Variants in ACMSD observed in about 807,000 individuals in gnomAD.
The protein encoded by ACMSD is aminocarboxymuconate semialdehyde decarboxylase, also known as 2-amino-3-carboxymuconate-6-semialdehyde decarboxylase.
A neutral mutation model predicts 45.9 loss-of-function variants in ACMSD; 37 were observed. That is an observed-to-expected ratio of 0.81 (90% CI 0.62 to 1.06). The LOEUF is 1.06. Ranked by LOEUF, ACMSD falls within the 50% of genes least tolerant of loss-of-function variation. The pLI is 0.00. For missense variants in ACMSD, 434 were observed against 420.9 expected (o/e 1.03, Z -0.27); for synonymous variants, 138 against 148.8 (o/e 0.93, Z 0.53).
chr2:134,844,767 A>G (rs1050542950), intron 1 of ACMSD, among the ~76,000 whole-genome samples: 1 of 152,176 alleles, frequency 6.6e-6, no homozygotes, highest in Non-Finnish European at 1.5e-5. Context: ...CACCAACAGC[A>G]TCTGCTACAT....
intron 8 of ACMSD, among the ~76,000 whole-genome samples, chr2:134,889,960 A>G (rs988157528): frequency 4.6e-5 from 7 of 152,172 alleles, no homozygotes; most frequent in African/African-American, 1.4e-4. Context: ...TTTAATTTAC[A>G]TAAGTTAATG....
At position 134,901,825 on chromosome 2, in the gene ACMSD, G is replaced by A. The variant is rs1690517923; in HGVS notation, c.976G>A (p.Ala326Thr). 6.3e-7 allele frequency: 1 copy of A among 1,598,458 alleles called. No homozygotes were observed. The highest frequency in any genetic ancestry group is 8.5e-7 in the Non-Finnish European group (1 of 1,170,016). ...TAAACTCAAAGCCGGCAATGCCCTG[G>A]CATTTTTGGGTCTTGAGAGAAAACA... is the stretch of plus-strand genomic sequence containing the variant. ...KNKLKAGNAL[A>T]FLGLERKQFE The change falls in exon 10 of 10, where the codon GCA becomes ACA. Residue 326 changes from alanine (A) to threonine (T), a missense_variant. By Grantham distance (58) the Ala-to-Thr change is moderately conservative. Transcript: ENST00000356140.
chr2:134,863,344 A>T, intron 4 of ACMSD, 51 bp from the exon 5 acceptor site: 1 of 1,548,654 alleles, frequency 6.5e-7, no homozygotes, highest in Admixed American at 1.7e-5. Context: ...GTGAATGTCT[A>T]AAAGAAGTAG....
chr2:134,886,958 A>G (rs1456359922), intron 8 of ACMSD, among the ~76,000 whole-genome samples: 2 of 152,230 alleles, frequency 1.3e-5, no homozygotes, highest in Non-Finnish European at 2.9e-5. Context: ...GCAGCAAGCA[A>G]TTATAAATTA....
intron 4 of ACMSD, among the ~76,000 whole-genome samples, chr2:134,862,308 C>A (rs932688838): frequency 6.6e-6 from 1 of 152,154 alleles, no homozygotes; most frequent in Non-Finnish European, 1.5e-5. Flanking sequence ...TGTCTGGTGA[C>A]TCATTCCTGC....
At chr2:134,875,659 AC>A (rs1688697827) in intron 8 of ACMSD, among the ~76,000 whole-genome samples, 1 of 152,242 alleles carries the variant, frequency 6.6e-6, no homozygotes, top group East Asian at 1.9e-4. Context: ...AAAATGGAAA[AC>A]TATATTGCCT....
chr2:134,893,299 T>G lies in ACMSD; in HGVS notation c.850-5042T>G, dbSNP rs181017268. Among the ~76,000 whole-genome samples, 5 of 151,172 alleles carry G rather than the reference T, an allele frequency of 3.3e-5. No homozygotes were observed. The East Asian group carries it at 9.8e-4, about 30-fold the overall frequency. On this transcript the variant is annotated intron_variant, in intron 8 of 9. Coordinates refer to ENST00000356140, the MANE Select transcript of ACMSD (RefSeq NM_138326.3). ...CTGCAGCCTCCATCTCCCAGGCTCA[T>G]GCAATCCTTCCACCTCAGCCTCCCA...
intron 3 of ACMSD, 51 bp from the exon 4 acceptor site, chr2:134,861,918 G>C: frequency 1.2e-6 from 2 of 1,606,934 alleles, no homozygotes; most frequent in South Asian, 2.2e-5. Flanking sequence ...AGGAAGGAGT[G>C]CCCAGCCTAT....
At chr2:134,841,738 T>C (rs1218256364) in intron 1 of ACMSD, among the ~76,000 whole-genome samples, 2 of 152,234 alleles carry the variant, frequency 1.3e-5, no homozygotes, top group African/African-American at 4.8e-5. Flanking sequence ...GACAACCTAC[T>C]GTCTGCCCAA....
chr2:134,846,258 C>T (rs1687047810), intron 2 of ACMSD, among the ~76,000 whole-genome samples: 1 of 152,192 alleles, frequency 6.6e-6, no homozygotes. Flanking sequence ...GGTCCCACAA[C>T]CAGTTTCACC....
At chr2:134,865,583 G>A (rs1386007562) in intron 5 of ACMSD, among the ~76,000 whole-genome samples, 2 of 152,130 alleles carry the variant, frequency 1.3e-5, no homozygotes, top group Non-Finnish European at 2.9e-5. Context: ...TGATGTCCTG[G>A]GGGTGGCAGC....
chr2:134,840,634 G>A (rs1023514616), intron 1 of ACMSD, among the ~76,000 whole-genome samples: 1 of 152,138 alleles, frequency 6.6e-6, no homozygotes, highest in Admixed American at 6.5e-5. Flanking sequence ...CCAGGAAGCG[G>A]GTTCTCACCA....
At chr2:134,843,269 G>T (rs564138204) in intron 1 of ACMSD, among the ~76,000 whole-genome samples, 5 of 152,140 alleles carry the variant, frequency 3.3e-5, no homozygotes, top group Non-Finnish European at 5.9e-5. Context: ...GCAGAGAGGA[G>T]AAACTGAGCT....
At chr2:134,891,848 A>G (rs1689801936) in intron 8 of ACMSD, among the ~76,000 whole-genome samples, 2 of 152,172 alleles carry the variant, frequency 1.3e-5, no homozygotes, top group South Asian at 4.1e-4. Flanking sequence ...TCAGTAAATG[A>G]CTGGATAAAG....
At chr2:134,853,314 G>C (rs1226528063) in intron 2 of ACMSD, among the ~76,000 whole-genome samples, 2 of 152,000 alleles carry the variant, frequency 1.3e-5, no homozygotes, top group Non-Finnish European at 2.9e-5. Context: ...CACAGGTTAG[G>C]TTCCCTAGGA....
chr2:134,888,915 T>A (rs138114028), intron 8 of ACMSD, among the ~76,000 whole-genome samples: 2 of 152,256 alleles, frequency 1.3e-5, no homozygotes, highest in African/African-American at 2.4e-5. Flanking sequence ...TGTATTTTGA[T>A]AGGGATGTGG....
intron 1 of ACMSD, among the ~76,000 whole-genome samples, chr2:134,843,938 G>A (rs867534338): frequency 5.3e-5 from 8 of 152,192 alleles, no homozygotes; most frequent in Non-Finnish European, 8.8e-5. Context: ...GTCACAGTGC[G>A]TCTCACACGC....
At chr2:134,886,233 C>A (rs1169666700) in intron 8 of ACMSD, among the ~76,000 whole-genome samples, 2 of 128,308 alleles carry the variant, frequency 1.6e-5, no homozygotes, top group African/African-American at 6.4e-5. Flanking sequence ...ATTACCCATT[C>A]ATTATTATTA....
chr2:134,853,064 G>A (rs1276749390), intron 2 of ACMSD, among the ~76,000 whole-genome samples: 9 of 151,138 alleles, frequency 6.0e-5, no homozygotes, highest in South Asian at 2.1e-4. Flanking sequence ...TCAGGAGGCC[G>A]AGGTGGGAGA....
Sources: gnomAD v4.1 joint callset for allele counts (sites outside exome capture counted in the v4.1 genomes callset) on GRCh38, gnomAD v4.1.1 for gene constraint, MANE v1.5 for transcripts, NCBI Gene and HGNC (gene_info 2026-07-23, HGNC 2026-07-21) for gene names.